Variants in TENM2 observed in about 807,000 individuals in gnomAD.
The protein encoded by TENM2 is teneurin-2.
TENM2 carries 52 observed loss-of-function variants against 245.2 expected under a neutral mutation model. The observed-to-expected ratio is 0.21, with a 90% CI of 0.17 to 0.27. The LOEUF (loss-of-function observed/expected upper bound fraction) is 0.27, where lower values mean the gene tolerates loss of function less well. Among genes scored for constraint, TENM2 ranks in the 10% least tolerant of loss-of-function variants. The probability of loss-of-function intolerance (pLI) is 1.00; values close to 1 mark genes in which losing one functional copy is unlikely to be tolerated. For synonymous variants in TENM2, 1,363 were observed against 1,438.9 expected, an observed-to-expected ratio of 0.95 and a Z score of 1.19; for missense variants, 3,046 against 3,666.8, an observed-to-expected ratio of 0.83 and a Z score of 4.37.
At chr5:168,052,793 C>T (rs1789221704) in intron 6 of TENM2, among the ~76,000 whole-genome samples, 1 of 151,992 alleles carries the variant, frequency 6.6e-6, no homozygotes, top group African/African-American at 2.4e-5. Context: ...TTATTTGTGC[C>T]TGGAGCACAT....
chr5:168,007,583 G>A (rs1021359765), intron 5 of TENM2, among the ~76,000 whole-genome samples: 3 of 152,208 alleles, frequency 2.0e-5, no homozygotes, highest in African/African-American at 7.2e-5. Flanking sequence ...GCTCAGTATA[G>A]AAGGGCACTC....
chr5:168,239,610 A>T (rs2152674174), intron 25 of TENM2, among the ~76,000 whole-genome samples: 1 of 152,182 alleles, frequency 6.6e-6, no homozygotes, highest in Admixed American at 6.5e-5. Flanking sequence ...ACCAGGCCTG[A>T]TCCTGCTTAG....
the TENM2 span, among the ~76,000 whole-genome samples, chr5:167,106,973 G>A: frequency 1.3e-5 from 2 of 151,988 alleles, no homozygotes; most frequent in South Asian, 2.1e-4. Context: ...AGCCAGGCGC[G>A]GTGGCTCATG....
intron 13 of TENM2, among the ~76,000 whole-genome samples, chr5:168,184,878 G>T (rs373158481): frequency 6.6e-6 from 1 of 152,134 alleles, no homozygotes; most frequent in African/African-American, 2.4e-5. Context: ...GGATTGAAAC[G>T]GCTGACAAAA....
the TENM2 span, among the ~76,000 whole-genome samples, chr5:167,153,666 A>AAT: frequency 0.015 from 2,200 of 148,776 alleles, 45 homozygotes; most frequent in African/African-American, 0.048. Context: ...TATGGCTTTA[A>AAT]ATATATATAT....
At chr5:168,150,529 C>T (rs1756553098) in intron 12 of TENM2, among the ~76,000 whole-genome samples, 1 of 152,200 alleles carries the variant, frequency 6.6e-6, no homozygotes, top group Admixed American at 6.5e-5. Context: ...TTTCTGTTAA[C>T]AGAGTGGATC....
chr5:167,570,867 T>A (rs1562064329), intron 2 of TENM2, among the ~76,000 whole-genome samples: 1 of 152,190 alleles, frequency 6.6e-6, no homozygotes, highest in East Asian at 1.9e-4. Flanking sequence ...AACTGAGCCC[T>A]GAATGGCTTG....
At chr5:168,231,921 C>A (rs1034113498) in intron 25 of TENM2, among the ~76,000 whole-genome samples, 45 of 152,136 alleles carry the variant, frequency 3.0e-4, no homozygotes, top group Admixed American at 2.6e-4. Context: ...CATAGGGAGA[C>A]CCTGTCATGG....
At chr5:167,373,073 C>G (rs1275439704) in intron 1 of TENM2, among the ~76,000 whole-genome samples, 1 of 152,182 alleles carries the variant, frequency 6.6e-6, no homozygotes, top group East Asian at 1.9e-4. Context: ...GTAATCACCC[C>G]ATGCTGACAG....
At chr5:167,284,870 G>A in exon 1 of TENM2, 1 of 1,551,692 alleles carries the variant, frequency 6.4e-7, no homozygotes, top group Middle Eastern at 1.7e-4. Flanking sequence ...ACCGCTCTTT[G>A]ACCAGAGGAC....
At chr5:167,083,856 A>G in the TENM2 span, among the ~76,000 whole-genome samples, 2 of 152,192 alleles carry the variant, frequency 1.3e-5, no homozygotes, top group East Asian at 1.9e-4. Context: ...TTAACAGGAC[A>G]TGGAACAGGA....
the TENM2 span, among the ~76,000 whole-genome samples, chr5:167,201,613 A>G: frequency 3.3e-5 from 5 of 152,294 alleles, no homozygotes; most frequent in Middle Eastern, 3.4e-3. Flanking sequence ...TGATTAACTC[A>G]GGATTTTTTT....
At chr5:167,317,135 T>C (rs576662931) in intron 1 of TENM2, among the ~76,000 whole-genome samples, 12 of 152,256 alleles carry the variant, frequency 7.9e-5, no homozygotes, top group African/African-American at 2.4e-4. Flanking sequence ...TAATTTAAAA[T>C]GGCCATGGTC....
chr5:167,996,552 C>T (rs1409192418), intron 5 of TENM2, among the ~76,000 whole-genome samples: 3 of 152,184 alleles, frequency 2.0e-5, no homozygotes, highest in African/African-American at 7.2e-5. Flanking sequence ...TCATTACCTG[C>T]ACCACCAGAA....
At chr5:168,135,186 G>A (rs915486742) in intron 12 of TENM2, among the ~76,000 whole-genome samples, 5 of 152,104 alleles carry the variant, frequency 3.3e-5, no homozygotes, top group Non-Finnish European at 7.4e-5. Flanking sequence ...TTCCTCCCAC[G>A]CTGCAATTTC....
At chr5:167,522,063 T>A (rs1770790651) in intron 2 of TENM2, among the ~76,000 whole-genome samples, 1 of 152,108 alleles carries the variant, frequency 6.6e-6, no homozygotes, top group Non-Finnish European at 1.5e-5. Flanking sequence ...CTCTTTCATT[T>A]CTCCCTTCTC....
upstream of TENM2, among the ~76,000 whole-genome samples, chr5:167,280,158 GC>G (rs1770961944): frequency 6.6e-6 from 1 of 152,136 alleles, no homozygotes; most frequent in African/African-American, 2.4e-5. Context: ...CAAGGGGGAA[GC>G]CAACCCAGGG....
intron 1 of TENM2, chr5:167,309,661 CA>C (rs1755900883): frequency 6.6e-6 from 1 of 152,016 alleles, no homozygotes; most frequent in South Asian, 2.1e-4. Flanking sequence ...TCACTCTTGT[CA>C]AAAAACACTT....
intron 2 of TENM2, among the ~76,000 whole-genome samples, chr5:167,376,840 T>C (rs184645993): frequency 3.3e-5 from 5 of 152,216 alleles, no homozygotes; most frequent in African/African-American, 1.2e-4. Flanking sequence ...ATCCATTTAC[T>C]GGTGTCCTTT....
Sources: gnomAD v4.1 joint callset for allele counts (sites outside exome capture counted in the v4.1 genomes callset) on GRCh38, gnomAD v4.1.1 for gene constraint, MANE v1.5 for transcripts, NCBI Gene and HGNC (gene_info 2026-07-23, HGNC 2026-07-21) for gene names.